Variants in NCKAP5L observed in about 807,000 individuals in gnomAD.
NCKAP5L encodes nck-associated protein 5-like.
Under a neutral mutation model 103.2 loss-of-function variants are expected in NCKAP5L, and 54 were observed. The observed-to-expected ratio is 0.52, with a 90% CI of 0.42 to 0.66. NCKAP5L has a LOEUF of 0.66. NCKAP5L is among the 30% of genes least tolerant of loss of function. The pLI is 0.00. For synonymous variants in NCKAP5L, 762 were observed against 748.6 expected (o/e 1.02, Z -0.29); for missense variants, 1,733 against 1,750.6 (o/e 0.99, Z 0.18).
rs745826212 is a variant in NCKAP5L at position 49,796,893 on chromosome 12, G to A, written c.967C>T (p.Arg323Cys). 9.3e-6 allele frequency: 15 copies of A among 1,611,404 alleles called. No homozygotes were observed. Among genetic ancestry groups the A allele is most frequent in the South Asian group, 3.3e-5 (3 of 90,850 alleles). Residue 323 changes from arginine (R) to cysteine (C), a missense_variant, in exon 8 of 13, where the codon CGC becomes TGC. Arg to Cys is a radical substitution (Grantham distance 180). Coordinates refer to ENST00000335999, the MANE Select transcript of NCKAP5L (RefSeq NM_001037806.4). ...SPDTLLGALA[R>C]RQLNLGQLLE... ...AGCTGGCCCAGGTTCAACTGTCTGC[G>A]GGCCAGGGCACCGAGCAGGGTGTCG...
Position 49,802,976 on chromosome 12 carries a change from C to G in NCKAP5L, c.213G>C (p.Gln71His). 2.5e-6 allele frequency: 4 copies of G among 1,614,212 alleles called. No homozygotes were observed. The highest frequency in any genetic ancestry group is 3.4e-6 in the Non-Finnish European group (4 of 1,180,040). ...TACTCACCTTCTGGTTCAGCAACGC[C>G]TGTACCACATGGTTGGCAACCTGGG... ...CLDEVANHVV[Q>H]ALLNQKDLRE... The change falls in exon 5 of 13, where the codon CAG becomes CAC. Residue 71 changes from glutamine to histidine, a missense_variant. Physicochemically the swap from Gln to His is conservative, Grantham distance 24. Coordinates refer to ENST00000335999, the MANE Select transcript of NCKAP5L (RefSeq NM_001037806.4).
At position 49,795,953 on chromosome 12, in the gene NCKAP5L, C is replaced by G; in HGVS notation, c.1907G>C (p.Arg636Thr). 1 of 1,530,656 alleles carries G rather than the reference C, an allele frequency of 6.5e-7. No homozygotes were observed. The highest frequency in any genetic ancestry group is 2.3e-5 in the East Asian group (1 of 44,240). 94.8% of individuals were successfully genotyped at this position (1,530,656 alleles called of 1,614,324 possible). ...AGSESPHPGR[R>T]TPGNSSKKPS... ...CTTCTTGGATGAGTTGCCTGGGGTC[C>G]TGCGGCCGGGATGGGGAGACTCCGA... Residue 636 changes from arginine (R) to threonine (T), a missense_variant, in exon 8 of 13, where the codon AGG (arginine) becomes ACG (threonine). Coordinates refer to ENST00000335999, the MANE Select transcript of NCKAP5L (RefSeq NM_001037806.4).
rs145728387 is a variant in NCKAP5L at position 49,822,529 on chromosome 12, C to T, written c.-99+5793G>A. On this transcript the variant is annotated intron_variant, in intron 1 of 12. Transcript: ENST00000335999. Reference sequence around the variant, plus strand: ...TAATAAATGATTATGGGGGAGAACGCGATGGAGGTGGGAGTGAGATTTTTT... The same window carrying T: ...TAATAAATGATTATGGGGGAGAACGTGATGGAGGTGGGAGTGAGATTTTTT... Among the ~76,000 whole-genome samples the T allele has an allele frequency of 2.1e-3, 318 of 150,498 alleles. 3 individuals carry two copies. Among genetic ancestry groups the T allele is most frequent in the Middle Eastern group, 7.0e-3 (2 of 284 alleles).
At position 49,793,502 on chromosome 12, in the gene NCKAP5L, G is replaced by T. The variant is rs1945975280; in HGVS notation, c.3259-69C>A. On this transcript the variant is annotated intron_variant, in intron 9 of 12. Transcript: ENST00000335999. ...CCACACCCCTCCCCATGCCTCTAGAGGGTGGGAATGTGTCTGTAAACATAT... is the reference window on the plus strand; with the variant it reads ...CCACACCCCTCCCCATGCCTCTAGATGGTGGGAATGTGTCTGTAAACATAT... The T allele has an allele frequency of 2.7e-6, 4 of 1,503,694 alleles. No homozygotes were observed. In the Admixed American group the frequency reaches 5.2e-5, roughly 19 times the overall value. The allele number at this position is 1,503,694 out of a possible 1,614,324, so 93.1% of individuals were successfully genotyped here.
chr12:49,824,245 C>G (rs565975463), intron 1 of NCKAP5L, among the ~76,000 whole-genome samples: 94 of 152,356 alleles, frequency 6.2e-4, no homozygotes, highest in Non-Finnish European at 1.3e-4. Flanking sequence ...CAGGCACCTC[C>G]ACATCTATAC....
intron 1 of NCKAP5L, among the ~76,000 whole-genome samples, chr12:49,811,870 TCAAAAAA>T (rs1042227555): frequency 1.3e-5 from 2 of 152,154 alleles, no homozygotes; most frequent in Non-Finnish European, 2.9e-5. Flanking sequence ...GCCAAACTTC[TCAAAAAA>T]CAAAAAAGAA....
In NCKAP5L at chr12:49,796,634, A is replaced by T. The variant is rs1265796105; in HGVS notation, c.1226T>A (p.Phe409Tyr). The change falls in exon 8 of 13, where the codon TTC (phenylalanine) becomes TAC (tyrosine). Residue 409 changes from phenylalanine to tyrosine, a missense_variant. Phe to Tyr is a conservative substitution (Grantham distance 22, BLOSUM62 3). Coordinates refer to ENST00000335999, the MANE Select transcript of NCKAP5L (RefSeq NM_001037806.4). Reference protein sequence around the residue: ...GQGPLPFLSMFMGAGDAPLGS... With the variant: ...GQGPLPFLSMYMGAGDAPLGS... ...CAGTGGGGCATCCCCAGCACCCATG[A>T]ACATGCTAAGGAAGGGGAGGGGCCC... The T allele has an allele frequency of 2.5e-6, 4 of 1,591,210 alleles. No individual in the cohort carries two copies. In the African/African-American group the frequency reaches 5.4e-5, roughly 21 times the overall value.
intron 1 of NCKAP5L, among the ~76,000 whole-genome samples, chr12:49,812,906 A>G (rs1397381767): frequency 1.4e-5 from 2 of 146,176 alleles, no homozygotes; most frequent in African/African-American, 5.2e-5. Flanking sequence ...AAAATGGTAC[A>G]GTATTTGCAT....
rs899468896 is a variant in NCKAP5L at position 49,792,216 on chromosome 12, G to A, written c.3793-165C>T. 9.3e-7 allele frequency: 1 copy of A among 1,071,670 alleles called. No homozygotes were observed. The allele number at this position is 1,071,670 out of a possible 1,614,324, so 66.4% of individuals were successfully genotyped here. On this transcript the variant is annotated intron_variant, in intron 12 of 12. Transcript: ENST00000335999. The surrounding 1 kb of genome is among the most constrained non-coding windows in gnomAD (Gnocchi z 4.5). ...GGAAACAGGCTGGAGGTACAACTGAGAACAGTCCTACAAGGTTCTGGGGAG... is the reference window on the plus strand; with the variant it reads ...GGAAACAGGCTGGAGGTACAACTGAAAACAGTCCTACAAGGTTCTGGGGAG...
rs780245722 is a variant in NCKAP5L at position 49,796,246 on chromosome 12, C to T, written c.1614G>A (p.Pro538=). ...ACAGCGTGGTGGACAAGGCTGACTG[C>T]GGGGGTCTGAGCTGTGTGGAGTCTG... The part of the protein sequence containing the change: ...TTPDSTQLRP[P]QSALSTTLSP... The change falls in exon 8 of 13, where the codon CCG becomes CCA. Residue 538 remains proline, a synonymous_variant. Transcript: ENST00000335999. 11 of 1,572,918 alleles carry T rather than the reference C, an allele frequency of 7.0e-6. No homozygotes were observed. Among genetic ancestry groups the T allele is most frequent in the South Asian group, 1.2e-5 (1 of 83,274 alleles).
intron 6 of NCKAP5L, among the ~76,000 whole-genome samples, chr12:49,799,185 C>T (rs11169158): frequency 0.037 from 5,614 of 152,260 alleles, 164 homozygotes; most frequent in East Asian, 0.13. Context: ...CTGCCTCTGG[C>T]CTGCACTACT....
chr12:49,815,601 T>A (rs527309527), intron 1 of NCKAP5L, among the ~76,000 whole-genome samples: 4 of 152,210 alleles, frequency 2.6e-5, no homozygotes, highest in Non-Finnish European at 5.9e-5. Flanking sequence ...GCGATTCTCA[T>A]GCCTCAGCCT....
intron 1 of NCKAP5L, among the ~76,000 whole-genome samples, chr12:49,824,125 C>T (rs1040168723): frequency 2.0e-5 from 3 of 152,122 alleles, no homozygotes; most frequent in African/African-American, 7.2e-5. Flanking sequence ...AAGCTCCCTC[C>T]TAGGCTGCAG....
At chr12:49,822,550 T>A (rs536022301) in intron 1 of NCKAP5L, among the ~76,000 whole-genome samples, 283 of 140,500 alleles carry the variant, frequency 2.0e-3, no homozygotes, top group African/African-American at 7.4e-3. Flanking sequence ...GGAGTGAGAT[T>A]TTTTTTTTTT....
Position 49,795,210 on chromosome 12 carries a change from C to A in NCKAP5L, c.2650G>T (p.Glu884Ter). The change falls in exon 8 of 13, where the codon GAG (glutamate) becomes TAG (stop). Residue 884 changes from glutamate to a stop codon, truncating the protein, a stop_gained. Coordinates refer to ENST00000335999, the MANE Select transcript of NCKAP5L (RefSeq NM_001037806.4). LOFTEE classifies it high-confidence loss of function. ...PEGLAPHSAI[E>*]EKVMKGIEEN... is the part of the protein sequence containing the mutation. ...TCAATGCCCTTCATCACCTTCTCCT[C>A]GATGGCTGAGTGTGGGGCCAGCCCC... The A allele has an allele frequency of 6.3e-7, 1 of 1,576,360 alleles. No homozygotes were observed. The highest frequency in any genetic ancestry group is 8.6e-7 in the Non-Finnish European group (1 of 1,161,508).
intron 8 of NCKAP5L, among the ~76,000 whole-genome samples, chr12:49,794,394 A>G (rs1050149433): frequency 1.3e-4 from 20 of 152,192 alleles, no homozygotes; most frequent in Middle Eastern, 3.2e-3. Context: ...GTCAAAGGGC[A>G]AGATGGGAAG....
intron 1 of NCKAP5L, among the ~76,000 whole-genome samples, chr12:49,812,147 AAC>A (rs1235345608): frequency 6.6e-6 from 1 of 152,086 alleles, no homozygotes; most frequent in African/African-American, 2.4e-5. Flanking sequence ...TTAATTTTAG[AAC>A]ACTTTTATTA....
chr12:49,812,530 C>T (rs1946252642), intron 1 of NCKAP5L, among the ~76,000 whole-genome samples: 1 of 152,004 alleles, frequency 6.6e-6, no homozygotes, highest in Admixed American at 6.6e-5. Context: ...ACTACAGGCG[C>T]CCGCCACCAC....
chr12:49,793,063 G>T, intron 10 of NCKAP5L, 77 bp from the exon 11 acceptor site: 1 of 1,200,490 alleles, frequency 8.3e-7, no homozygotes, highest in Non-Finnish European at 1.1e-6. Flanking sequence ...TTCCCGCCCA[G>T]CCCAGGCTCC....
Sources: allele counts gnomAD v4.1 joint callset (sites outside exome capture counted in the v4.1 genomes callset), GRCh38; gene constraint gnomAD v4.1.1; non-coding constraint Gnocchi (gnomAD v3.1); transcripts MANE v1.5; gene names NCBI Gene and HGNC (gene_info 2026-07-23, HGNC 2026-07-21).